EGF: variants seen among roughly 807,000 people sequenced by gnomAD.
The protein encoded by EGF is epidermal growth factor, also known as pro-epidermal growth factor.
EGF carries 95 observed loss-of-function variants against 143.8 expected under a neutral mutation model. The ratio of observed to expected loss-of-function variants is 0.66; its 90% CI spans 0.56 to 0.78. The LOEUF (loss-of-function observed/expected upper bound fraction) is 0.78. Ranked by LOEUF, EGF falls within the 30% of genes least tolerant of loss-of-function variation. EGF has a pLI of 0.00. For synonymous variants in EGF, 510 were observed against 510.5 expected (o/e 1.00, Z 0.01); for missense variants, 1,320 against 1,470.9 (o/e 0.90, Z 1.68).
intron 1 of EGF, among the ~76,000 whole-genome samples, chr4:109,928,263 T>C (rs1004770068): frequency 3.3e-5 from 5 of 152,240 alleles, no homozygotes; most frequent in South Asian, 2.1e-4. Flanking sequence ...CATCAATCAA[T>C]ACATGCAAGA....
rs777857946 is a variant in EGF at position 109,979,990 on chromosome 4, C to T, written c.2072C>T (p.Ala691Val). 6 of 1,613,874 alleles carry T rather than the reference C, an allele frequency of 3.7e-6. No individual in the cohort carries two copies. The Admixed American group carries it at 5.0e-5, about 13-fold the overall frequency. Residue 691 changes from alanine to valine, a missense_variant, in exon 14 of 24, where the codon GCA (alanine) becomes GTA (valine). Around this residue, in one of 5 missense-constraint regions of EGF, gnomAD observed 1,186 missense variants for 1,313.7 expected, o/e 0.90. Coordinates refer to ENST00000265171, the MANE Select transcript of EGF (RefSeq NM_001963.6). ...TTTCCAGGTCACCCATTTGCTGTAG[C>T]AGTGTTTGAGGATTATGTGTGGTTC... ...QNDVGHPFAV[A>V]VFEDYVWFSD...
chr4:109,974,831 A>C, intron 12 of EGF, 24 bp downstream of exon 12: 4 of 1,574,426 alleles, frequency 2.5e-6, no homozygotes, highest in Non-Finnish European at 3.5e-6. Context: ...AAAATAAGGC[A>C]CTGCTCTGCA....
intron 1 of EGF, among the ~76,000 whole-genome samples, chr4:109,935,366 G>A (rs569031400): frequency 6.6e-6 from 1 of 151,976 alleles, no homozygotes; most frequent in African/African-American, 2.4e-5. Context: ...TCTGTTATTG[G>A]TATATAGGAA....
chr4:109,959,032 A>C (rs1200986025), intron 5 of EGF: 1 of 419,420 alleles, frequency 2.4e-6, no homozygotes, highest in East Asian at 4.7e-5. Flanking sequence ...ATTAGAATGA[A>C]AAAGCTAATA....
chr4:109,983,683 G>T, intron 16 of EGF, 142 bp downstream of exon 16: 2 of 1,148,312 alleles, frequency 1.7e-6, no homozygotes, highest in Non-Finnish European at 2.5e-6. Context: ...ACTCAAGTCT[G>T]TCTCTTCTGA....
chr4:109,992,503 G>T (rs1019212510), intron 18 of EGF: 2 of 152,186 alleles, frequency 1.3e-5, no homozygotes, highest in East Asian at 3.9e-4. Context: ...TGGTGGGACT[G>T]TAAACTAGTT....
In EGF at chr4:109,961,304, G is replaced by A. The variant is rs9307347; in HGVS notation, c.1189+315G>A. On this transcript the variant is annotated intron_variant, in intron 7 of 23. Transcript: ENST00000265171. ...CAGGAGGAGGAGGCTGCAGTGAGCC[G>A]AAATCAAGCCACTGCCCTTCCTGGG... Among the ~76,000 whole-genome samples, 41,684 of 151,794 alleles carry A rather than the reference G, an allele frequency of 0.27. 6,135 individuals are homozygous for A. The highest frequency in any genetic ancestry group is 0.36 in the Middle Eastern group (105 of 288).
intron 20 of EGF, among the ~76,000 whole-genome samples, chr4:109,998,468 G>T (rs1301926168): frequency 1.3e-5 from 2 of 152,370 alleles, no homozygotes; most frequent in African/African-American, 2.4e-5. Flanking sequence ...GTCACTCATA[G>T]CTGTGTGACG....
At chr4:109,970,642 T>G (rs144115029) in intron 11 of EGF, among the ~76,000 whole-genome samples, 1 of 151,878 alleles carries the variant, frequency 6.6e-6, no homozygotes, top group Non-Finnish European at 1.5e-5. Flanking sequence ...CTGGCTAACA[T>G]GGTGAAACCC....
chr4:109,915,173 G>A (rs941424663), intron 1 of EGF, among the ~76,000 whole-genome samples: 5 of 152,156 alleles, frequency 3.3e-5, no homozygotes, highest in Non-Finnish European at 7.4e-5. Context: ...ACAATAAGTT[G>A]GGGAGACTGT....
At chr4:109,952,603 A>G (rs1744124545) in intron 5 of EGF, among the ~76,000 whole-genome samples, 1 of 152,236 alleles carries the variant, frequency 6.6e-6, no homozygotes, top group Admixed American at 6.5e-5. Context: ...TTTAGTTCAT[A>G]TAATTTTAAA....
chr4:109,963,412 A>G (rs1185957974), intron 9 of EGF, 114 bp downstream of exon 9: 1 of 1,353,588 alleles, frequency 7.4e-7, no homozygotes, highest in African/African-American at 1.5e-5. Context: ...AAATGGAAAA[A>G]AAGCAAATCA....
chr4:109,998,343 G>A lies in EGF; in HGVS notation c.3006-1336G>A, dbSNP rs1205010214. Among the ~76,000 whole-genome samples, 10 of 152,226 alleles carry A rather than the reference G, an allele frequency of 6.6e-5. No individual in the cohort carries two copies. The East Asian group carries it at 1.9e-3, about 29-fold the overall frequency. ...GATCCTGATATCTCTTGCATGGTTA[G>A]TTCCAGAAGATAGCTTTTCAGAGGT... On this transcript the variant is annotated intron_variant, in intron 20 of 23. Transcript: ENST00000265171.
At chr4:109,966,790 T>G (rs966037352) in intron 10 of EGF, among the ~76,000 whole-genome samples, 1 of 152,116 alleles carries the variant, frequency 6.6e-6, no homozygotes, top group African/African-American at 2.4e-5. Context: ...CTCTGATGAC[T>G]AGTGATGTTA....
At position 109,994,848 on chromosome 4, in the gene EGF, G is replaced by A. The variant is rs926876335; in HGVS notation, c.2973G>A (p.Met991Ile). 2 of 1,614,170 alleles carry A rather than the reference G, an allele frequency of 1.2e-6. No homozygotes were observed. Among genetic ancestry groups the A allele is most frequent in the East Asian group, 2.2e-5 (1 of 44,886 alleles). ...ACTGCCTCCATGATGGTGTGTGCATGTATATTGAAGCATTGGACAAGTATG... is the reference window on the plus strand; with the variant it reads ...ACTGCCTCCATGATGGTGTGTGCATATATATTGAAGCATTGGACAAGTATG... ...DGYCLHDGVC[M>I]YIEALDKYAC... Residue 991 changes from methionine (M) to isoleucine (I), a missense_variant, in exon 20 of 24, where the codon ATG (methionine) becomes ATA (isoleucine). Coordinates refer to ENST00000265171, the MANE Select transcript of EGF (RefSeq NM_001963.6).
In EGF at chr4:109,933,424, C is replaced by CTT. The variant is rs11301315; in HGVS notation, c.128-7509_128-7508dup. 4.2e-5 allele frequency among the ~76,000 whole-genome samples: 6 copies of CTT among 143,772 alleles called. No homozygotes were observed. The South Asian group carries it at 6.6e-4, about 16-fold the overall frequency. 94.3% of individuals were successfully genotyped at this position (143,772 alleles called of 152,430 possible). A position where few individuals can be genotyped will look rare whatever the true frequency, so the allele number is the denominator to read the frequency against. On this transcript the variant is annotated intron_variant, in intron 1 of 23. Transcript: ENST00000265171. Reference sequence around the variant, plus strand: ...GCCTCTTGTAGCATTTCTTTTTTTTCTTTTTTTTTTTTTTATACTTTAAGT... The same window carrying CTT: ...GCCTCTTGTAGCATTTCTTTTTTTTCTTTTTTTTTTTTTTTTATACTTTAAGT...
chr4:109,922,057 C>T (rs2125938649), intron 1 of EGF, among the ~76,000 whole-genome samples: 1 of 151,572 alleles, frequency 6.6e-6, no homozygotes, highest in African/African-American at 2.4e-5. Flanking sequence ...ATTCTGTTTA[C>T]TGGAAGATTT....
chr4:110,013,370 CT>C lies in EGF; in HGVS notation c.*1917del, dbSNP rs1234849187. Among the ~76,000 whole-genome samples the C allele has an allele frequency of 6.6e-6, 1 of 152,030 alleles. No individual in the cohort carries two copies. The highest frequency in any genetic ancestry group is 1.5e-5 in the Non-Finnish European group (1 of 68,000). ...CCATTATCTTTGTACCAGAAAAATC[CT>C]TGTTTCCTTCTTAATGACTCTGGTA... is the stretch of plus-strand genomic sequence containing the variant. On this transcript the variant is annotated 3_prime_UTR_variant, in exon 24 of 24. Transcript: ENST00000265171.
At chr4:109,965,098 G>C (rs183353854) in intron 10 of EGF, among the ~76,000 whole-genome samples, 16 of 152,172 alleles carry the variant, frequency 1.1e-4, no homozygotes, top group African/African-American at 2.6e-4. Flanking sequence ...GTGTAACTTA[G>C]AATTTCTGTA....
Sources: gnomAD v4.1 joint callset for allele counts (sites outside exome capture counted in the v4.1 genomes callset) on GRCh38, gnomAD v4.1.1 for gene constraint, gnomAD v4.1.1 regional missense constraint, MANE v1.5 for transcripts, NCBI Gene and HGNC (gene_info 2026-07-23, HGNC 2026-07-21) for gene names.